Variants in MSRA observed in about 807,000 individuals in gnomAD.
MSRA encodes methionine sulfoxide reductase A.
In MSRA, 54 loss-of-function variants were observed where a neutral mutation model predicts 31.3. That is an observed-to-expected ratio of 1.73 (90% CI 1.39 to 2.17). The LOEUF is 2.17. MSRA is among the 30% of genes most tolerant of loss of function. The pLI, the probability that MSRA is intolerant of heterozygous loss-of-function variation, is 0.00. For synonymous variants in MSRA, 169 were observed against 116.5 expected, an observed-to-expected ratio of 1.45 and a Z score of -2.90; for missense variants, 507 against 300.9, an observed-to-expected ratio of 1.69 and a Z score of -5.07.
At chr8:10,185,793 A>G (rs1450486375) in intron 1 of MSRA, among the ~76,000 whole-genome samples, 4 of 152,168 alleles carry the variant, frequency 2.6e-5, no homozygotes, top group Non-Finnish European at 4.4e-5. Context: ...AAACCCACTC[A>G]TCTTGCAAGG....
chr8:10,317,868 T>C (rs1801815778), intron 4 of MSRA, among the ~76,000 whole-genome samples: 1 of 152,212 alleles, frequency 6.6e-6, no homozygotes, highest in Non-Finnish European at 1.5e-5. Context: ...CAGAAAATAC[T>C]GTAGCTCATG....
In MSRA at chr8:10,189,642, T is replaced by C. The variant is rs1372460132; in HGVS notation, c.143-18191T>C. ...CAGTTAATATGGTAAATGACATTAA[T>C]TGAATTTTTTCATTGTTAAAACAAC... On this transcript the variant is annotated intron_variant, in intron 1 of 5. Transcript: ENST00000317173. Among the ~76,000 whole-genome samples the C allele has an allele frequency of 2.0e-5, 3 of 152,354 alleles. No individual in the cohort carries two copies. In the East Asian group the frequency reaches 5.8e-4, roughly 29 times the overall value.
chr8:10,083,272 A>G (rs1047780359), intron 1 of MSRA, among the ~76,000 whole-genome samples: 1 of 152,252 alleles, frequency 6.6e-6, no homozygotes, highest in South Asian at 2.1e-4. Flanking sequence ...AGTCAAATCT[A>G]AAACTCACTT....
intron 5 of MSRA, among the ~76,000 whole-genome samples, chr8:10,412,708 C>T (rs777560230): frequency 2.6e-5 from 4 of 152,260 alleles, no homozygotes; most frequent in East Asian, 1.9e-4. Context: ...CAAATAGGAA[C>T]GTTAAAAGGT....
At chr8:10,076,463 T>C (rs2128920901) in intron 1 of MSRA, among the ~76,000 whole-genome samples, 1 of 152,182 alleles carries the variant, frequency 6.6e-6, no homozygotes, top group East Asian at 1.9e-4. Context: ...GCAGGAAGGT[T>C]GATTATTACT....
At chr8:10,302,345 G>T (rs1800892981) in intron 4 of MSRA, among the ~76,000 whole-genome samples, 1 of 152,246 alleles carries the variant, frequency 6.6e-6, no homozygotes, top group Non-Finnish European at 1.5e-5. Context: ...CTTTGCCAGT[G>T]TGATGATCTG....
At position 10,113,511 on chromosome 8, in the gene MSRA, A is replaced by G. The variant is rs1052226888; in HGVS notation, c.142+58853A>G. ...TGACGTTCATAGGTTTGGTGATGGG[A>G]TGTTGGGGAAGTTTTCTTCTTTGAA... On this transcript the variant is annotated intron_variant, in intron 1 of 5. Coordinates refer to ENST00000317173, the MANE Select transcript of MSRA (RefSeq NM_012331.5). Among the ~76,000 whole-genome samples the G allele has an allele frequency of 5.3e-5, 8 of 150,970 alleles. No homozygotes were observed. The East Asian group carries it at 1.6e-3, about 30-fold the overall frequency.
chr8:10,155,955 A>G (rs1386211144), intron 1 of MSRA, among the ~76,000 whole-genome samples: 3 of 152,214 alleles, frequency 2.0e-5, no homozygotes, highest in Non-Finnish European at 4.4e-5. Context: ...ATGTTAGCAC[A>G]GTATTCTCTG....
chr8:10,272,600 C>T (rs1322233381), intron 3 of MSRA, among the ~76,000 whole-genome samples: 1 of 152,196 alleles, frequency 6.6e-6, no homozygotes, highest in Non-Finnish European at 1.5e-5. Context: ...CAGGGACACC[C>T]AGAATAATAT....
chr8:10,242,243 C>G lies in MSRA; in HGVS notation c.212-2861C>G, dbSNP rs551376163. On this transcript the variant is annotated intron_variant, in intron 2 of 5. Coordinates refer to ENST00000317173, the MANE Select transcript of MSRA (RefSeq NM_012331.5). Reference sequence around the variant, plus strand: ...CCGAGATTGCGCCACTGAACTCCAGCCTGGGTGACAGAGGGAGACTCCATC... The same window carrying G: ...CCGAGATTGCGCCACTGAACTCCAGGCTGGGTGACAGAGGGAGACTCCATC... Among the ~76,000 whole-genome samples the G allele has an allele frequency of 1.1e-4, 16 of 150,364 alleles. 1 individual carries two copies. The East Asian group carries it at 3.1e-3, about 29-fold the overall frequency.
intron 2 of MSRA, among the ~76,000 whole-genome samples, chr8:10,234,877 GATA>G (rs1241732545): frequency 6.6e-6 from 1 of 152,076 alleles, no homozygotes; most frequent in Non-Finnish European, 1.5e-5. Context: ...GTAGCAAGAG[GATA>G]ATAAGACTTG....
chr8:10,347,064 C>T (rs926971235), intron 5 of MSRA, among the ~76,000 whole-genome samples: 29 of 152,176 alleles, frequency 1.9e-4, no homozygotes, highest in Admixed American at 1.4e-3. Context: ...AATGTGTTTT[C>T]ACAGCACCTG....
At chr8:10,179,311 A>G (rs1007533158) in intron 1 of MSRA, among the ~76,000 whole-genome samples, 11 of 152,226 alleles carry the variant, frequency 7.2e-5, no homozygotes, top group Non-Finnish European at 1.5e-5. Context: ...GAAGGAAGAC[A>G]GGGTTCATCT....
Position 10,428,137 on chromosome 8 carries a change from T to C in MSRA, c.544-11T>C, listed in dbSNP as rs1809301903. On this transcript the variant is annotated splice_polypyrimidine_tract_variant and intron_variant, in intron 5 of 5. Coordinates refer to ENST00000317173, the MANE Select transcript of MSRA (RefSeq NM_012331.5). The stretch of plus-strand genomic sequence containing the variant: ...CATGGGAGCTGATGGCGCCTTTCTG[T>C]GTCCCCACAGGTTCTTTCAGAGCAC... The C allele has an allele frequency of 6.2e-7, 1 of 1,607,226 alleles. No individual in the cohort carries two copies. Among genetic ancestry groups the C allele is most frequent in the South Asian group, 1.1e-5 (1 of 89,840 alleles).
chr8:10,147,494 C>G (rs1803246137), intron 1 of MSRA, among the ~76,000 whole-genome samples: 1 of 152,200 alleles, frequency 6.6e-6, no homozygotes, highest in Non-Finnish European at 1.5e-5. Flanking sequence ...GTGAAAGTCA[C>G]AGTGTCTTTA....
At chr8:10,085,667 A>G (rs369751209) in intron 1 of MSRA, among the ~76,000 whole-genome samples, 66 of 152,342 alleles carry the variant, frequency 4.3e-4, no homozygotes, top group African/African-American at 1.5e-3. Flanking sequence ...ACAAGTTTGT[A>G]CAGTTGTGAA....
chr8:10,243,131 T>G (rs1313652236), intron 2 of MSRA, among the ~76,000 whole-genome samples: 1 of 152,200 alleles, frequency 6.6e-6, no homozygotes, highest in Non-Finnish European at 1.5e-5. Flanking sequence ...GGCTAGCTAC[T>G]AAAATGGCCT....
At chr8:10,263,268 T>A (rs573562906) in intron 3 of MSRA, among the ~76,000 whole-genome samples, 1 of 152,306 alleles carries the variant, frequency 6.6e-6, no homozygotes, top group African/African-American at 2.4e-5. Flanking sequence ...CTCACCATTC[T>A]CCCAGTAACT....
chr8:10,264,226 C>T (rs1184621754), intron 3 of MSRA, among the ~76,000 whole-genome samples: 2 of 152,166 alleles, frequency 1.3e-5, no homozygotes, highest in African/African-American at 4.8e-5. Context: ...GTCATAAAGT[C>T]ACTGCTATCA....
Sources: allele counts gnomAD v4.1 joint callset (sites outside exome capture counted in the v4.1 genomes callset), GRCh38; gene constraint gnomAD v4.1.1; transcripts MANE v1.5; gene names NCBI Gene and HGNC (gene_info 2026-07-23, HGNC 2026-07-21).